The following CNTN5 variants were observed in gnomAD, a reference collection of about 807,000 sequenced individuals.
CNTN5 encodes contactin-5.
Under a neutral mutation model 129.1 loss-of-function variants are expected in CNTN5, and 77 were observed. That is an observed-to-expected ratio of 0.60 (90% CI 0.50 to 0.72). The LOEUF is 0.72. Ranked by LOEUF, CNTN5 falls within the 30% of genes least tolerant of loss-of-function variation. CNTN5 has a pLI of 0.00. For missense variants in CNTN5, 1,478 were observed against 1,328.8 expected, an observed-to-expected ratio of 1.11 and a Z score of -1.75; for synonymous variants, 509 against 465.6, an observed-to-expected ratio of 1.09 and a Z score of -1.20.
intron 3 of CNTN5, among the ~76,000 whole-genome samples, chr11:99,611,329 A>G (rs1292190648): frequency 6.6e-6 from 1 of 152,172 alleles, no homozygotes; most frequent in Non-Finnish European, 1.5e-5. Flanking sequence ...CAAACCCACC[A>G]GTATTTAGAG....
At chr11:99,254,128 A>G (rs1429636012) in intron 1 of CNTN5, among the ~76,000 whole-genome samples, 3 of 151,910 alleles carry the variant, frequency 2.0e-5, no homozygotes, top group African/African-American at 7.2e-5. Flanking sequence ...TATTAAATTA[A>G]TGCTATATTA....
At chr11:99,689,298 C>T (rs551984111) in intron 3 of CNTN5, among the ~76,000 whole-genome samples, 31 of 152,022 alleles carry the variant, frequency 2.0e-4, no homozygotes, top group African/African-American at 5.5e-4. Flanking sequence ...GAGGCCAAGG[C>T]GGGCAGATCA....
intron 3 of CNTN5, among the ~76,000 whole-genome samples, chr11:99,691,865 T>C (rs1565431993): frequency 6.6e-6 from 1 of 152,118 alleles, no homozygotes; most frequent in Non-Finnish European, 1.5e-5. Flanking sequence ...CCCACTATTA[T>C]TGTGTGGGAG....
At chr11:100,250,796 A>G (rs1014224209) in intron 16 of CNTN5, among the ~76,000 whole-genome samples, 1 of 152,156 alleles carries the variant, frequency 6.6e-6, no homozygotes, top group African/African-American at 2.4e-5. Flanking sequence ...AAAGCAATAT[A>G]CCCTTCTTTA....
chr11:99,503,916 C>T (rs1230477617), intron 2 of CNTN5, among the ~76,000 whole-genome samples: 3 of 152,128 alleles, frequency 2.0e-5, no homozygotes, highest in South Asian at 2.1e-4. Context: ...CAAGATACAT[C>T]GTTTAAATTA....
intron 2 of CNTN5, among the ~76,000 whole-genome samples, chr11:99,421,178 T>A (rs1942872054): frequency 7.0e-6 from 1 of 142,152 alleles, no homozygotes; most frequent in African/African-American, 3.1e-5. Flanking sequence ...ATAGAGTACC[T>A]ACTGTGTGCT....
intron 1 of CNTN5, among the ~76,000 whole-genome samples, chr11:99,150,673 G>C (rs904982349): frequency 6.6e-5 from 10 of 151,924 alleles, no homozygotes; most frequent in Admixed American, 4.6e-4. Context: ...ATATGAAAAA[G>C]ATAAAGATTT....
chr11:99,470,498 A>G (rs962245314), intron 2 of CNTN5, among the ~76,000 whole-genome samples: 2 of 152,050 alleles, frequency 1.3e-5, no homozygotes, highest in Non-Finnish European at 2.9e-5. Context: ...TAAGTCTTCA[A>G]TTTAGTTCAT....
At chr11:99,136,684 T>C (rs577755107) in intron 1 of CNTN5, among the ~76,000 whole-genome samples, 89 of 152,196 alleles carry the variant, frequency 5.8e-4, no homozygotes, top group African/African-American at 2.1e-3. Context: ...TTATCAGCTA[T>C]CAAATAAGAG....
At chr11:99,404,968 G>A (rs187769086) in intron 2 of CNTN5, among the ~76,000 whole-genome samples, 1 of 152,222 alleles carries the variant, frequency 6.6e-6, no homozygotes, top group Admixed American at 6.5e-5. Context: ...TCTCATGTTT[G>A]AAGGATAATT....
At chr11:99,027,449 T>C (rs1216940342) in intron 1 of CNTN5, among the ~76,000 whole-genome samples, 1 of 151,770 alleles carries the variant, frequency 6.6e-6, no homozygotes, top group South Asian at 2.1e-4. Context: ...TCTTGAAATA[T>C]GCACTACTTT....
At chr11:100,251,882 G>A (rs114699634) in intron 16 of CNTN5, among the ~76,000 whole-genome samples, 136 of 152,186 alleles carry the variant, frequency 8.9e-4, no homozygotes, top group African/African-American at 3.2e-3. Flanking sequence ...ATAAACATAA[G>A]GGTAAAGAAG....
At chr11:100,042,700 A>G (rs1565819844) in intron 9 of CNTN5, among the ~76,000 whole-genome samples, 1 of 152,212 alleles carries the variant, frequency 6.6e-6, no homozygotes. Context: ...CAAGAACTAC[A>G]TTTGGAGGCA....
intron 9 of CNTN5, among the ~76,000 whole-genome samples, chr11:100,030,928 T>A (rs1941676497): frequency 6.6e-6 from 1 of 152,102 alleles, no homozygotes; most frequent in South Asian, 2.1e-4. Context: ...AAATACAATT[T>A]TTTCGTGAAT....
chr11:99,374,014 A>C (rs747031963), intron 2 of CNTN5, among the ~76,000 whole-genome samples: 5 of 152,176 alleles, frequency 3.3e-5, no homozygotes, highest in Non-Finnish European at 7.3e-5. Flanking sequence ...CAGTCATATA[A>C]TCCAGAAGCA....
At chr11:99,561,762 G>A (rs1332557519) in intron 3 of CNTN5, among the ~76,000 whole-genome samples, 1 of 792 alleles carries the variant, frequency 1.3e-3, no homozygotes, top group Non-Finnish European at 0.013. Context: ...GAAAATTAGG[G>A]AAACTTTTGC....
chr11:100,149,565 G>T (rs1012294055), intron 13 of CNTN5, among the ~76,000 whole-genome samples: 1 of 151,960 alleles, frequency 6.6e-6, no homozygotes, highest in South Asian at 2.1e-4. Flanking sequence ...ATACATTTGG[G>T]TGTAGCACAA....
intron 1 of CNTN5, among the ~76,000 whole-genome samples, chr11:99,260,065 T>C (rs1282328233): frequency 6.6e-6 from 1 of 151,768 alleles, no homozygotes; most frequent in Non-Finnish European, 1.5e-5. Context: ...ATTGTTTTCT[T>C]ATAGAATTCA....
chr11:100,123,279 G>A (rs1946085473), intron 13 of CNTN5, among the ~76,000 whole-genome samples: 1 of 151,570 alleles, frequency 6.6e-6, no homozygotes, highest in African/African-American at 2.4e-5. Flanking sequence ...TTGCCACAAG[G>A]TTTTTCTATT....
Sources: gnomAD v4.1 joint callset for allele counts (sites outside exome capture counted in the v4.1 genomes callset) on GRCh38, gnomAD v4.1.1 for gene constraint, MANE v1.5 for transcripts, NCBI Gene and HGNC (gene_info 2026-07-23, HGNC 2026-07-21) for gene names.